The following HERC1 variants were observed in gnomAD, a reference collection of about 807,000 sequenced individuals.
The protein encoded by HERC1 is HECT and RLD domain containing E3 ubiquitin protein ligase family member 1, also known as probable E3 ubiquitin-protein ligase HERC1.
In HERC1, 160 loss-of-function variants were observed where a neutral mutation model predicts 554.3. The observed-to-expected ratio is 0.29, with a 90% CI of 0.25 to 0.33. The LOEUF is 0.33. HERC1 is among the 10% of genes least tolerant of loss of function. HERC1 has a pLI of 1.00. For missense variants in HERC1, 4,919 were observed against 5,918.5 expected, an observed-to-expected ratio of 0.83 and a Z score of 5.54; for synonymous variants, 2,175 against 2,131.7, an observed-to-expected ratio of 1.02 and a Z score of -0.56.
At chr15:63,804,061 C>T (rs1023146076) in intron 1 of HERC1, among the ~76,000 whole-genome samples, 3 of 152,120 alleles carry the variant, frequency 2.0e-5, no homozygotes, top group Admixed American at 6.5e-5. Context: ...ACAAAAGGTG[C>T]TGGACCAACT....
At chr15:63,713,005 T>A (rs1427824680) in intron 23 of HERC1, 110 bp from the exon 24 acceptor site, 12 of 1,052,400 alleles carry the variant, frequency 1.1e-5, no homozygotes, top group Non-Finnish European at 1.3e-5. Flanking sequence ...GGAGGAGTAA[T>A]GTCAGTTGAC....
chr15:63,663,898 T>C (rs1385969615), intron 43 of HERC1, among the ~76,000 whole-genome samples: 2 of 152,272 alleles, frequency 1.3e-5, no homozygotes, highest in African/African-American at 4.8e-5. Context: ...ATTACTCATG[T>C]TATAGTATTT....
At position 63,764,172 on chromosome 15, in the gene HERC1, C is replaced by T. The variant is rs1278147466; in HGVS notation, c.950G>A (p.Ser317Asn). Residue 317 changes from serine to asparagine, a missense_variant, in exon 3 of 78, where the codon AGT becomes AAT. Coordinates refer to ENST00000443617, the MANE Select transcript of HERC1 (RefSeq NM_003922.4). ...RRSLGSSADR[S>N]QWREPTRTSD... ...TGTTCTGGTTGGTTCTCTCCACTGA[C>T]TCCGATCAGCAGATGAACCCTATAA... 16 of 1,609,770 alleles carry T rather than the reference C, an allele frequency of 9.9e-6. No individual in the cohort carries two copies. The highest frequency in any genetic ancestry group is 1.3e-5 in the Non-Finnish European group (15 of 1,177,722).
Position 63,640,184 on chromosome 15 carries a change from G to A in HERC1, c.11869C>T (p.Pro3957Ser). 6.2e-7 allele frequency: 1 copy of A among 1,613,942 alleles called. No homozygotes were observed. Among genetic ancestry groups the A allele is most frequent in the Admixed American group, 1.7e-5 (1 of 60,014 alleles). The change falls in exon 61 of 78, where the codon CCT (proline) becomes TCT (serine). Residue 3957 changes from proline (P) to serine (S), a missense_variant. By Grantham distance (74) the Pro-to-Ser change is moderately conservative. This residue lies in a region of HERC1 where 1,963 missense variants were observed against 2,228.6 expected (regional missense o/e 0.88). Coordinates refer to ENST00000443617, the MANE Select transcript of HERC1 (RefSeq NM_003922.4). ...AATACAAGTTCATCCTCTGGAACAG[G>A]TTCTAGATCTGGAACGGTAAAAGAT... is the stretch of plus-strand genomic sequence containing the variant. ...PESFTVPDLE[P>S]VPEDELVFLM...
Position 63,720,102 on chromosome 15 carries a change from C to CTTTTTT in HERC1, c.3743-1206_3743-1205insAAAAAA, listed in dbSNP as rs1214451219. ...AGGACTAGTCAGGTGCTTTTTCTTC[C>CTTTTTT]CTTTTTTTTTTTTTTTAAGAGACAG... is the stretch of plus-strand genomic sequence containing the variant. On this transcript the variant is annotated intron_variant, in intron 19 of 77. Transcript: ENST00000443617. 2.4e-4 allele frequency among the ~76,000 whole-genome samples: 5 copies of CTTTTTT among 20,960 alleles called. 1 individual carries two copies. The highest frequency in any genetic ancestry group is 1.0e-3 in the African/African-American group (4 of 3,950). The allele number at this position is 20,960 out of a possible 152,430, so 13.8% of individuals were successfully genotyped here. A position where few individuals can be genotyped will look rare whatever the true frequency, so the allele number is the denominator to read the frequency against.
rs191714593 is a variant in HERC1 at position 63,633,431 on chromosome 15, T to C, written c.12693+417A>G. ...TTTCTTCATGGACTCAGATTTCCTT[T>C]GTATTGTTTTCTTAAAAGGAGACGT... On this transcript the variant is annotated intron_variant, in intron 67 of 77. Coordinates refer to ENST00000443617, the MANE Select transcript of HERC1 (RefSeq NM_003922.4). 5.3e-5 allele frequency among the ~76,000 whole-genome samples: 8 copies of C among 152,346 alleles called. No individual in the cohort carries two copies. The East Asian group carries it at 1.5e-3, about 29-fold the overall frequency.
chr15:63,645,967 T>C (rs1257239021), intron 55 of HERC1, among the ~76,000 whole-genome samples: 1 of 152,194 alleles, frequency 6.6e-6, no homozygotes, highest in Non-Finnish European at 1.5e-5. Flanking sequence ...GGATATGTTA[T>C]CTCTCATTAG....
chr15:63,621,763 T>G (rs1223049734), intron 74 of HERC1, among the ~76,000 whole-genome samples: 2 of 152,242 alleles, frequency 1.3e-5, no homozygotes, highest in Admixed American at 1.3e-4. Flanking sequence ...CTGATACCCT[T>G]TCTTCCAGTT....
intron 2 of HERC1, among the ~76,000 whole-genome samples, chr15:63,767,138 T>C (rs1596198061): frequency 6.6e-6 from 1 of 151,986 alleles, no homozygotes; most frequent in Admixed American, 6.5e-5. Flanking sequence ...AGTAGCTGGA[T>C]TACAAGTGCA....
At position 63,692,478 on chromosome 15, in the gene HERC1, T is replaced by C. The variant is rs1047332527; in HGVS notation, c.5763A>G (p.Gln1921=). 1 of 1,613,416 alleles carries C rather than the reference T, an allele frequency of 6.2e-7. No homozygotes were observed. Among genetic ancestry groups the C allele is most frequent in the Non-Finnish European group, 8.5e-7 (1 of 1,179,676 alleles). ...TCCACTTTGGGGAAGCCATTTTTGA[T>C]TGAATTGCTTTTGAAGATACAACTC... The part of the protein sequence containing the change: ...LRRVVSSKAI[Q]SKMASPKWTE... The change falls in exon 31 of 78, where the codon CAA becomes CAG. Residue 1921 remains glutamine, a synonymous_variant. Coordinates refer to ENST00000443617, the MANE Select transcript of HERC1 (RefSeq NM_003922.4). The surrounding 1 kb of genome is among the most constrained non-coding windows in gnomAD (Gnocchi z 4.7).
intron 70 of HERC1, among the ~76,000 whole-genome samples, chr15:63,627,599 G>C (rs535034972): frequency 6.6e-6 from 1 of 151,858 alleles, no homozygotes; most frequent in Non-Finnish European, 1.5e-5. Flanking sequence ...GCTTGAACCC[G>C]GGAGGCAGAG....
intron 1 of HERC1, among the ~76,000 whole-genome samples, chr15:63,829,563 A>G (rs12901438): frequency 0.22 from 8,410 of 38,936 alleles, 677 homozygotes; most frequent in East Asian, 0.62. Flanking sequence ...GTGTGTGTGT[A>G]TATATATATA....
intron 1 of HERC1, among the ~76,000 whole-genome samples, chr15:63,791,902 C>T (rs1345375205): frequency 6.6e-6 from 1 of 152,056 alleles, no homozygotes; most frequent in Non-Finnish European, 1.5e-5. Context: ...ATATTGATGC[C>T]CCACACAACT....
chr15:63,675,414 T>C (rs2152981673), intron 37 of HERC1, among the ~76,000 whole-genome samples: 1 of 152,348 alleles, frequency 6.6e-6, no homozygotes, highest in Middle Eastern at 3.4e-3. Context: ...GGAAATATTT[T>C]AGACTCTGCA....
chr15:63,742,114 TA>T (rs757278763), intron 12 of HERC1, among the ~76,000 whole-genome samples: 5 of 152,254 alleles, frequency 3.3e-5, no homozygotes, highest in Non-Finnish European at 5.9e-5. Context: ...TTGCAATCCA[TA>T]AACATGAGGT....
intron 54 of HERC1, 35 bp from the exon 55 acceptor site, chr15:63,648,234 T>C (rs904459635): frequency 1.3e-6 from 2 of 1,564,980 alleles, no homozygotes; most frequent in Non-Finnish European, 1.7e-6. Context: ...AAGGAAAAGA[T>C]AATTATTTGT....
At chr15:63,723,118 C>CAT in intron 19 of HERC1, 64 bp downstream of exon 19, 7 of 993,558 alleles carry the variant, frequency 7.0e-6, no homozygotes, top group Non-Finnish European at 9.5e-6. Flanking sequence ...ACATATATTG[C>CAT]ATATATATTT....
chr15:63,739,746 G>A (rs1018249993), intron 12 of HERC1, among the ~76,000 whole-genome samples: 2 of 151,944 alleles, frequency 1.3e-5, no homozygotes, highest in East Asian at 2.0e-4. Flanking sequence ...GGCGAGGCAG[G>A]ATAATCGCTT....
Position 63,630,630 on chromosome 15 carries a change from G to A in HERC1, c.12802C>T (p.Leu4268=), listed in dbSNP as rs751792559. 9 of 1,609,556 alleles carry A rather than the reference G, an allele frequency of 5.6e-6. No homozygotes were observed. The South Asian group carries it at 7.8e-5, about 14-fold the overall frequency. Reference sequence around the variant, plus strand: ...GCACGCCCCTCTGGCAAGCCTATCAGGCGATCTGAAAAAAACAAAACAAAA... The same window carrying A: ...GCACGCCCCTCTGGCAAGCCTATCAAGCGATCTGAAAAAAACAAAACAAAA... ...GHVYTFGQDR[L]IGLPEGRARN... The change falls in exon 69 of 78, where the codon CTG becomes TTG. Residue 4268 remains leucine (L), a synonymous_variant. Transcript: ENST00000443617.
Sources: gnomAD v4.1 joint callset for allele counts (sites outside exome capture counted in the v4.1 genomes callset) on GRCh38, gnomAD v4.1.1 for gene constraint, gnomAD v4.1.1 regional missense constraint, Gnocchi (gnomAD v3.1) non-coding constraint, MANE v1.5 for transcripts, NCBI Gene and HGNC (gene_info 2026-07-23, HGNC 2026-07-21) for gene names.